LRRTM4: variants seen among roughly 807,000 people sequenced by gnomAD.
LRRTM4 encodes leucine-rich repeat transmembrane neuronal protein 4.
A neutral mutation model predicts 47.6 loss-of-function variants in LRRTM4; 25 were observed. The observed-to-expected ratio is 0.53, with a 90% CI of 0.38 to 0.73. LRRTM4 has a LOEUF of 0.73. Ranked by LOEUF, LRRTM4 falls within the 30% of genes least tolerant of loss-of-function variation. The pLI, the probability that LRRTM4 is intolerant of heterozygous loss-of-function variation, is 0.00. For missense variants in LRRTM4, 638 were observed against 713.4 expected (o/e 0.89, Z 1.20); for synonymous variants, 311 against 269.5 (o/e 1.15, Z -1.51).
intron 3 of LRRTM4, among the ~76,000 whole-genome samples, chr2:77,290,161 A>T (rs1035710507): frequency 6.6e-6 from 1 of 151,990 alleles, no homozygotes; most frequent in Non-Finnish European, 1.5e-5. Flanking sequence ...CCCAGTCCAC[A>T]CTAATGTAAA....
At chr2:77,226,708 TTTG>T (rs1196868688) in intron 3 of LRRTM4, among the ~76,000 whole-genome samples, 1 of 152,028 alleles carries the variant, frequency 6.6e-6, no homozygotes, top group Non-Finnish European at 1.5e-5. Context: ...GGTGTAGATT[TTTG>T]TTCTCAAGTC....
At chr2:76,777,684 A>G (rs1400507500) in intron 3 of LRRTM4, among the ~76,000 whole-genome samples, 5 of 151,058 alleles carry the variant, frequency 3.3e-5, no homozygotes, top group Admixed American at 2.6e-4. Context: ...TTTTCTAGAT[A>G]TACAATCATG....
At chr2:77,136,534 A>G (rs1204865341) in intron 3 of LRRTM4, among the ~76,000 whole-genome samples, 2 of 152,210 alleles carry the variant, frequency 1.3e-5, no homozygotes, top group African/African-American at 4.8e-5. Flanking sequence ...GAAAAAACAG[A>G]TCAGAAAAGC....
In LRRTM4 at chr2:76,819,084, A is replaced by G. The variant is rs146420945; in HGVS notation, c.1552-70168T>C. 2.6e-3 allele frequency among the ~76,000 whole-genome samples: 395 copies of G among 151,936 alleles called. 2 individuals are homozygous for G. The highest frequency in any genetic ancestry group is 9.1e-3 in the African/African-American group (376 of 41,508). ...TATTCCGTGTCTAAAACTCCATATTACTTTCCCGACAAATGAGGTTTGATT... is the reference window on the plus strand; with the variant it reads ...TATTCCGTGTCTAAAACTCCATATTGCTTTCCCGACAAATGAGGTTTGATT... On this transcript the variant is annotated intron_variant, in intron 3 of 3. Transcript: ENST00000409884.
At chr2:77,214,302 C>T (rs921694962) in intron 3 of LRRTM4, among the ~76,000 whole-genome samples, 10 of 152,208 alleles carry the variant, frequency 6.6e-5, no homozygotes, top group African/African-American at 2.2e-4. Context: ...TTATTAATTG[C>T]TTGGGGTTAA....
intron 3 of LRRTM4, among the ~76,000 whole-genome samples, chr2:77,485,244 A>C (rs1300144700): frequency 6.6e-6 from 1 of 152,152 alleles, no homozygotes; most frequent in African/African-American, 2.4e-5. Context: ...TTTTAAAAGT[A>C]GGTCATATAA....
chr2:76,968,709 A>G (rs2103933827), intron 3 of LRRTM4, among the ~76,000 whole-genome samples: 1 of 151,594 alleles, frequency 6.6e-6, no homozygotes, highest in Admixed American at 6.6e-5. Flanking sequence ...TGTCTAGTAA[A>G]TCCACACTCT....
intron 3 of LRRTM4, among the ~76,000 whole-genome samples, chr2:77,294,055 A>T (rs534655618): frequency 6.6e-6 from 1 of 152,260 alleles, no homozygotes; most frequent in South Asian, 2.1e-4. Context: ...ACATAGATGC[A>T]TGTGTGTATG....
At chr2:77,222,119 G>T (rs1399384118) in intron 3 of LRRTM4, among the ~76,000 whole-genome samples, 1 of 152,016 alleles carries the variant, frequency 6.6e-6, no homozygotes, top group Non-Finnish European at 1.5e-5. Flanking sequence ...GGGTACATAA[G>T]GAAATGAAGG....
intron 3 of LRRTM4, among the ~76,000 whole-genome samples, chr2:77,316,863 G>A (rs1677634033): frequency 6.6e-6 from 1 of 152,112 alleles, no homozygotes; most frequent in South Asian, 2.1e-4. Flanking sequence ...TTTTTGAAAG[G>A]CAATTTGCCA....
intron 3 of LRRTM4, among the ~76,000 whole-genome samples, chr2:77,389,099 T>C (rs1673402780): frequency 6.6e-6 from 1 of 152,050 alleles, no homozygotes; most frequent in Non-Finnish European, 1.5e-5. Flanking sequence ...GAAAATCATG[T>C]TATTAAGCAT....
chr2:77,060,572 T>C (rs1033327644), intron 3 of LRRTM4, among the ~76,000 whole-genome samples: 7 of 152,156 alleles, frequency 4.6e-5, no homozygotes, highest in African/African-American at 1.4e-4. Flanking sequence ...GGGATTATAA[T>C]AGATAATTTA....
intron 3 of LRRTM4, among the ~76,000 whole-genome samples, chr2:77,007,601 T>G (rs1002651846): frequency 6.6e-6 from 1 of 152,178 alleles, no homozygotes; most frequent in Non-Finnish European, 1.5e-5. Context: ...AATGGCAACA[T>G]AGGTTTGTTA....
intron 3 of LRRTM4, among the ~76,000 whole-genome samples, chr2:77,295,404 T>C (rs937749574): frequency 7.2e-5 from 11 of 152,266 alleles, no homozygotes; most frequent in East Asian, 5.8e-4. Context: ...AAGATATAGA[T>C]AGTTAGGAGC....
Position 76,968,334 on chromosome 2 carries a change from A to G in LRRTM4, c.1552-219418T>C, listed in dbSNP as rs1175783439. Reference sequence around the variant, plus strand: ...GTAAAATGTAAATACAAAAGTGTGTATGTGTGTATATATATATATATATAT... The same window carrying G: ...GTAAAATGTAAATACAAAAGTGTGTGTGTGTGTATATATATATATATATAT... On this transcript the variant is annotated intron_variant, in intron 3 of 3. Coordinates refer to ENST00000409884, the MANE Select transcript of LRRTM4 (RefSeq NM_001134745.3). Among the ~76,000 whole-genome samples the G allele has an allele frequency of 3.0e-3, 315 of 106,466 alleles. 4 individuals carry two copies. The highest frequency in any genetic ancestry group is 9.3e-3 in the African/African-American group (272 of 29,250). The allele number at this position is 106,466 out of a possible 152,430, so 69.8% of individuals were successfully genotyped here. A position where few individuals can be genotyped will look rare whatever the true frequency, so the allele number is the denominator to read the frequency against.
intron 3 of LRRTM4, among the ~76,000 whole-genome samples, chr2:76,914,979 C>A (rs1421627398): frequency 6.6e-6 from 1 of 152,154 alleles, no homozygotes; most frequent in Non-Finnish European, 1.5e-5. Context: ...TTGTTGAAAT[C>A]CACTGAGGTA....
chr2:76,954,185 A>T (rs934807510), intron 3 of LRRTM4, among the ~76,000 whole-genome samples: 6 of 151,914 alleles, frequency 3.9e-5, no homozygotes, highest in Non-Finnish European at 5.9e-5. Context: ...AAAGAAATAG[A>T]AATAAGGCCT....
chr2:76,816,320 C>T (rs1354834952), intron 3 of LRRTM4, among the ~76,000 whole-genome samples: 8 of 152,068 alleles, frequency 5.3e-5, no homozygotes, highest in Non-Finnish European at 1.0e-4. Context: ...GACTATGCAT[C>T]TCACCGACAT....
intron 3 of LRRTM4, among the ~76,000 whole-genome samples, chr2:77,480,585 T>C (rs1677637700): frequency 1.3e-5 from 2 of 152,228 alleles, no homozygotes; most frequent in South Asian, 4.1e-4. Flanking sequence ...AATTCCTAGA[T>C]AGATTTCTTT....
Sources: allele counts gnomAD v4.1 joint callset (sites outside exome capture counted in the v4.1 genomes callset), GRCh38; gene constraint gnomAD v4.1.1; transcripts MANE v1.5; gene names NCBI Gene and HGNC (gene_info 2026-07-23, HGNC 2026-07-21).